Variants in ATP10B observed in about 807,000 individuals in gnomAD.
ATP10B encodes ATPase phospholipid transporting 10B (putative).
A neutral mutation model predicts 141.2 loss-of-function variants in ATP10B; 122 were observed. The observed-to-expected ratio is 0.86, with a 90% CI of 0.75 to 1.00. The LOEUF (loss-of-function observed/expected upper bound fraction) is 1.00, where lower values mean the gene tolerates loss of function less well. Among genes scored for constraint, ATP10B ranks in the 50% least tolerant of loss-of-function variants. The pLI, the probability that ATP10B is intolerant of heterozygous loss-of-function variation, is 0.00. For missense variants in ATP10B, 1,876 were observed against 1,825.3 expected (o/e 1.03, Z -0.51); for synonymous variants, 685 against 692.0 (o/e 0.99, Z 0.16).
At chr5:160,908,385 T>C in the ATP10B span, among the ~76,000 whole-genome samples, 74 of 152,282 alleles carry the variant, frequency 4.9e-4, 2 homozygotes, top group South Asian at 0.014. Flanking sequence ...CTGCCACTTA[T>C]TGAATGTCCG....
chr5:160,671,189 A>C (rs1355466954), intron 6 of ATP10B, among the ~76,000 whole-genome samples: 5 of 151,106 alleles, frequency 3.3e-5, no homozygotes, highest in African/African-American at 1.2e-4. Flanking sequence ...AAAAAAAAAA[A>C]AAACCCAAAC....
chr5:160,773,075 T>C (rs935712470), intron 2 of ATP10B, among the ~76,000 whole-genome samples: 4 of 152,226 alleles, frequency 2.6e-5, no homozygotes, highest in African/African-American at 9.7e-5. Flanking sequence ...TTGTCGTTGT[T>C]AATTAACTCT....
Position 160,606,906 on chromosome 5 carries a change from A to G in ATP10B, c.3019T>C (p.Phe1007Leu). The G allele has an allele frequency of 6.2e-7, 1 of 1,614,198 alleles. No individual in the cohort carries two copies. The highest frequency in any genetic ancestry group is 8.5e-7 in the Non-Finnish European group (1 of 1,180,026). The stretch of plus-strand genomic sequence containing the variant: ...AACTTCTTCTCTAGCTTTCCCTGGA[A>G]GATGGCATTCAATGTCTTCCCATCG... ...VIDGKTLNAI[F>L]QGKLEKKFLE... Residue 1007 changes from phenylalanine (F) to leucine (L), a missense_variant, in exon 19 of 26, where the codon TTC (phenylalanine) becomes CTC (leucine). Phe to Leu is a conservative substitution (Grantham distance 22). Transcript: ENST00000327245.
At chr5:160,719,697 A>G (rs953245441) in intron 2 of ATP10B, among the ~76,000 whole-genome samples, 1 of 152,236 alleles carries the variant, frequency 6.6e-6, no homozygotes, top group African/African-American at 2.4e-5. Context: ...CCTCATTAGG[A>G]AAAGTAAAAT....
rs142121380 is a variant in ATP10B, at chr5:160,745,340, C to A, written c.-330-28306G>T. On this transcript the variant is annotated intron_variant, in intron 2 of 25. Coordinates refer to ENST00000327245, the MANE Select transcript of ATP10B (RefSeq NM_025153.3). ...TATCATTCAGTATTAAAGCCAGATT[C>A]CTCTTATTTTAAGGCATGAATCAAA... Among the ~76,000 whole-genome samples, 181 of 152,222 alleles carry A rather than the reference C, an allele frequency of 1.2e-3. 1 individual carries two copies. Among genetic ancestry groups the A allele is most frequent in the African/African-American group, 4.2e-3 (174 of 41,546 alleles).
At chr5:160,816,698 A>T (rs1026537237) in intron 1 of ATP10B, among the ~76,000 whole-genome samples, 3 of 152,176 alleles carry the variant, frequency 2.0e-5, no homozygotes, top group Admixed American at 6.5e-5. Context: ...AGACACAAGA[A>T]AAAAAGAGAA....
chr5:160,653,176 CAATAT>C (rs1463046375), intron 7 of ATP10B, among the ~76,000 whole-genome samples: 2 of 126,318 alleles, frequency 1.6e-5, no homozygotes, highest in South Asian at 2.3e-4. Context: ...ATTATATATA[CAATAT>C]ATTATATATA....
the ATP10B span, among the ~76,000 whole-genome samples, chr5:160,914,702 C>T: frequency 2.0e-5 from 3 of 152,140 alleles, no homozygotes; most frequent in African/African-American, 7.2e-5. Flanking sequence ...TATAGGTAGG[C>T]AAGATCATAC....
intron 12 of ATP10B, chr5:160,633,086 G>A (rs1759055902): frequency 6.6e-6 from 1 of 152,236 alleles, no homozygotes; most frequent in Non-Finnish European, 1.5e-5. Flanking sequence ...TGAAGAGGAT[G>A]TAGAGAAACA....
intron 1 of ATP10B, among the ~76,000 whole-genome samples, chr5:160,817,575 A>G (rs1430135920): frequency 6.6e-6 from 1 of 152,192 alleles, no homozygotes. Context: ...CATATTGCCC[A>G]AGGTAATTTA....
At chr5:160,744,780 C>A (rs1561809831) in intron 2 of ATP10B, among the ~76,000 whole-genome samples, 1 of 152,166 alleles carries the variant, frequency 6.6e-6, no homozygotes, top group Non-Finnish European at 1.5e-5. Context: ...AGACAATTTA[C>A]ATATGTTAAG....
chr5:160,785,552 A>T lies in ATP10B; in HGVS notation c.-331+7T>A, dbSNP rs1300221048. ...TGACCCCACTGCCCAAGAAGTAAAGATAGTACCTGATAGGTAGATTTCAAG... is the reference window on the plus strand; with the variant it reads ...TGACCCCACTGCCCAAGAAGTAAAGTTAGTACCTGATAGGTAGATTTCAAG... On this transcript the variant is annotated splice_region_variant and intron_variant, in intron 2 of 25. Transcript: ENST00000327245. 1.1e-5 allele frequency: 7 copies of T among 646,156 alleles called. No individual in the cohort carries two copies. Among genetic ancestry groups the T allele is most frequent in the Admixed American group, 2.3e-5 (1 of 42,740 alleles). 40.0% of individuals were successfully genotyped at this position (646,156 alleles called of 1,614,324 possible).
At chr5:160,772,570 C>T (rs985549359) in intron 2 of ATP10B, among the ~76,000 whole-genome samples, 4 of 152,170 alleles carry the variant, frequency 2.6e-5, no homozygotes, top group East Asian at 3.8e-4. Context: ...CACCTCAGAT[C>T]GTCAGGCATT....
rs1765700479 is a variant in ATP10B, at chr5:160,716,945, G to T, written c.-241C>A. The T allele has an allele frequency of 3.0e-6, 3 of 985,422 alleles. No individual in the cohort carries two copies. Among genetic ancestry groups the T allele is most frequent in the Non-Finnish European group, 3.6e-6 (3 of 829,934 alleles). 61.0% of individuals were successfully genotyped at this position (985,422 alleles called of 1,614,324 possible). ...GTCCCTTTAAGGAGGTTAGACCAGTGACCTTTGCTGTGCCCCTACAGCCAC... is the reference window on the plus strand; with the variant it reads ...GTCCCTTTAAGGAGGTTAGACCAGTTACCTTTGCTGTGCCCCTACAGCCAC... On this transcript the variant is annotated 5_prime_UTR_variant, in exon 3 of 26. Transcript: ENST00000327245.
At chr5:160,573,075 C>T (rs1034957156) in intron 24 of ATP10B, among the ~76,000 whole-genome samples, 5 of 152,150 alleles carry the variant, frequency 3.3e-5, no homozygotes, top group African/African-American at 9.7e-5. Context: ...TCCTCCTACT[C>T]CCAAGTTAGT....
At chr5:160,649,299 T>C (rs184288638) in intron 7 of ATP10B, 43 bp from the exon 8 acceptor site, 7 of 1,436,192 alleles carry the variant, frequency 4.9e-6, no homozygotes, top group Admixed American at 1.7e-5. Context: ...TTCAGAGGGA[T>C]CTAGTTTTAA....
rs1766235191 is a variant in ATP10B at position 160,724,980 on chromosome 5, AC to A, written c.-330-7947del. Among the ~76,000 whole-genome samples the A allele has an allele frequency of 2.6e-5, 4 of 152,178 alleles. No homozygotes were observed. In the South Asian group the frequency reaches 8.3e-4, roughly 32 times the overall value. ...GCATGTAAACTATATGAAAACAGGG[AC>A]TTTTGTCTGTTTTGTTCATTGCTTT... is the stretch of plus-strand genomic sequence containing the variant. On this transcript the variant is annotated intron_variant, in intron 2 of 25. Coordinates refer to ENST00000327245, the MANE Select transcript of ATP10B (RefSeq NM_025153.3).
intron 1 of ATP10B, among the ~76,000 whole-genome samples, chr5:160,803,954 G>A (rs1772586202): frequency 6.6e-6 from 1 of 151,850 alleles, no homozygotes; most frequent in South Asian, 2.1e-4. Flanking sequence ...TGCCCCTGTA[G>A]GATTCATGGG....
chr5:160,766,656 G>A (rs1386364736), intron 2 of ATP10B, among the ~76,000 whole-genome samples: 1 of 152,132 alleles, frequency 6.6e-6, no homozygotes, highest in African/African-American at 2.4e-5. Flanking sequence ...CTGCTCGGGT[G>A]ATGGGTGCAC....
Sources: gnomAD v4.1 joint callset for allele counts (sites outside exome capture counted in the v4.1 genomes callset) on GRCh38, gnomAD v4.1.1 for gene constraint, MANE v1.5 for transcripts, NCBI Gene and HGNC (gene_info 2026-07-23, HGNC 2026-07-21) for gene names.